MGAT1: variants seen among roughly 807,000 people sequenced by gnomAD.
MGAT1 encodes alpha-1,3-mannosyl-glycoprotein 2-beta-N-acetylglucosaminyltransferase, also known as N-glycosyl-oligosaccharide-glycoprotein N-acetylglucosaminyltransferase I.
A neutral mutation model predicts 31.7 loss-of-function variants in MGAT1; 14 were observed. That is an observed-to-expected ratio of 0.44 (90% CI 0.29 to 0.69). The LOEUF (loss-of-function observed/expected upper bound fraction) is 0.69, where lower values mean the gene tolerates loss of function less well. Ranked by LOEUF, MGAT1 falls within the 30% of genes least tolerant of loss-of-function variation. The pLI, the probability that MGAT1 is intolerant of heterozygous loss-of-function variation, is 0.12. For missense variants in MGAT1, 557 were observed against 626.0 expected (o/e 0.89, Z 1.18); for synonymous variants, 338 against 276.0 (o/e 1.22, Z -2.23).
chr5:180,813,007 C>T (rs915016381), intron 1 of MGAT1, among the ~76,000 whole-genome samples: 11 of 152,078 alleles, frequency 7.2e-5, no homozygotes, highest in Admixed American at 7.2e-4. Context: ...CCATAATTAT[C>T]TCCCCTATTT....
chr5:180,810,303 C>T (rs1157227491), intron 1 of MGAT1: 3 of 152,378 alleles, frequency 2.0e-5, no homozygotes, highest in African/African-American at 4.8e-5. Context: ...CCACCGCCAC[C>T]ACGGGAGCGA....
intron 1 of MGAT1, among the ~76,000 whole-genome samples, chr5:180,798,403 C>T (rs1483810460): frequency 6.6e-6 from 1 of 152,140 alleles, no homozygotes; most frequent in Non-Finnish European, 1.5e-5. Context: ...AGATGCCTTC[C>T]TTGACGCCTG....
chr5:180,791,354 G>C lies in MGAT1; in HGVS notation c.*280C>G. ...GCTCCAGGAGAAAGCTCAGGACGTGGACATTTCTGGCCCCAACAAGCCCAG... is the reference window on the plus strand; with the variant it reads ...GCTCCAGGAGAAAGCTCAGGACGTGCACATTTCTGGCCCCAACAAGCCCAG... On this transcript the variant is annotated 3_prime_UTR_variant, in exon 2 of 2. Transcript: ENST00000307826. The C allele has an allele frequency of 1.9e-6, 1 of 521,112 alleles. No individual in the cohort carries two copies. The allele number at this position is 521,112 out of a possible 1,614,324, so 32.3% of individuals were successfully genotyped here.
chr5:180,814,747 C>A (rs1194095375), intron 1 of MGAT1, among the ~76,000 whole-genome samples: 2 of 151,984 alleles, frequency 1.3e-5, no homozygotes, highest in Admixed American at 6.6e-5. Context: ...GAAGACCAAC[C>A]TGACCAAGAT....
upstream of MGAT1, chr5:180,803,450 C>T (rs1203792921): frequency 2.6e-5 from 4 of 152,522 alleles, no homozygotes; most frequent in African/African-American, 9.7e-5. Flanking sequence ...GACTCGGTCA[C>T]AAGCTTTGGC....
intron 1 of MGAT1, among the ~76,000 whole-genome samples, chr5:180,814,679 C>G (rs148553153): frequency 6.6e-6 from 1 of 152,078 alleles, no homozygotes; most frequent in African/African-American, 2.4e-5. Context: ...CAGTGGCTCA[C>G]GCTTGTAATC....
At chr5:180,796,939 C>A (rs563204761) in intron 1 of MGAT1, among the ~76,000 whole-genome samples, 1 of 152,302 alleles carries the variant, frequency 6.6e-6, no homozygotes, top group Non-Finnish European at 1.5e-5. Flanking sequence ...TCGCTCTCCC[C>A]TCAGGATGTT....
Position 180,792,680 on chromosome 5 carries a change from G to A in MGAT1, c.292C>T (p.Pro98Ser). ...TAAPPAQPRV[P>S]VTPAPAVIPI... ...ATCACCGCCGGCGCGGGGGTCACAG[G>A]CACACGCGGCTGGGCGGGAGGGGCC... is the stretch of plus-strand genomic sequence containing the variant. Residue 98 changes from proline to serine, a missense_variant, in exon 2 of 2, where the codon CCT (proline) becomes TCT (serine). Around this residue, in one of 3 missense-constraint regions of MGAT1, gnomAD observed 167 missense variants for 149.8 expected, o/e 1.11. Transcript: ENST00000307826. The A allele has an allele frequency of 1.3e-6, 2 of 1,568,678 alleles. No homozygotes were observed. The highest frequency in any genetic ancestry group is 1.7e-6 in the Non-Finnish European group (2 of 1,158,246).
Position 180,787,799 on chromosome 5 carries a change from T to C in MGAT1, c.*3835A>G, listed in dbSNP as rs1176925463. The C allele has an allele frequency of 1.3e-5, 2 of 152,214 alleles. No homozygotes were observed. The highest frequency in any genetic ancestry group is 2.4e-5 in the African/African-American group (1 of 41,428). 9.4% of individuals were successfully genotyped at this position (152,214 alleles called of 1,614,324 possible). On this transcript the variant is annotated 3_prime_UTR_variant, in exon 2 of 2. Transcript: ENST00000307826. ...TTCTCATGCAGGGCCCAGTGAAGGC[T>C]CAGGAGGGCCTTGGCCAGACTCCAT... is the stretch of plus-strand genomic sequence containing the variant.
At chr5:180,814,504 G>A (rs755352734) in intron 1 of MGAT1, among the ~76,000 whole-genome samples, 8 of 152,100 alleles carry the variant, frequency 5.3e-5, no homozygotes, top group African/African-American at 9.7e-5. Flanking sequence ...GTACAAATGC[G>A]GAGTTCCCTA....
intron 1 of MGAT1, chr5:180,795,409 A>T (rs1320715599): frequency 6.6e-6 from 1 of 152,312 alleles, no homozygotes; most frequent in South Asian, 2.1e-4. Flanking sequence ...AACTTTTTTT[A>T]AAAAGACGTT....
chr5:180,801,617 A>C (rs532283413), intron 1 of MGAT1, among the ~76,000 whole-genome samples: 1 of 152,352 alleles, frequency 6.6e-6, no homozygotes, highest in African/African-American at 2.4e-5. Context: ...AGTGCCACAA[A>C]AGGCATGAGG....
rs1561811348 is a variant in MGAT1, at chr5:180,791,517, T to TA, written c.*116_*117insT. On this transcript the variant is annotated 3_prime_UTR_variant, in exon 2 of 2. Coordinates refer to ENST00000307826, the MANE Select transcript of MGAT1 (RefSeq NM_002406.4). ...TGCACTTAAATGCCACTCGGAAAAATCAAAAAGATAAATGCACCTAAGAGG... is the reference window on the plus strand; with the variant it reads ...TGCACTTAAATGCCACTCGGAAAAATACAAAAAGATAAATGCACCTAAGAGG... The TA allele has an allele frequency of 7.6e-7, 1 of 1,308,684 alleles. No individual in the cohort carries two copies. The allele number at this position is 1,308,684 out of a possible 1,614,324, so 81.1% of individuals were successfully genotyped here. A position where few individuals can be genotyped will look rare whatever the true frequency, so the allele number is the denominator to read the frequency against.
intron 1 of MGAT1, chr5:180,795,292 T>TAC: frequency 6.7e-6 from 1 of 150,050 alleles, no homozygotes; most frequent in East Asian, 2.0e-4. Flanking sequence ...TATATATATA[T>TAC]ATATATACAC....
At chr5:180,804,331 C>G (rs1430928666), upstream of MGAT1, among the ~76,000 whole-genome samples, 1 of 152,260 alleles carries the variant, frequency 6.6e-6, no homozygotes, top group Non-Finnish European at 1.5e-5. Context: ...CACCCCCGCA[C>G]ACATCCTCCA....
Position 180,790,060 on chromosome 5 carries a change from G to A in MGAT1, c.*1574C>T, listed in dbSNP as rs113389789. 6.6e-6 allele frequency: 1 copy of A among 152,322 alleles called. No homozygotes were observed. The highest frequency in any genetic ancestry group is 1.5e-5 in the Non-Finnish European group (1 of 68,058). 9.4% of individuals were successfully genotyped at this position (152,322 alleles called of 1,614,324 possible). On this transcript the variant is annotated 3_prime_UTR_variant, in exon 2 of 2. Transcript: ENST00000307826. ...AGGCACTCTCACTGGGGTTGCGTTT[G>A]GGAGTCCAAGCGCCACTGTGAGGCC... is the stretch of plus-strand genomic sequence containing the variant.
chr5:180,802,960 T>G (rs1771225696), upstream of MGAT1: 1 of 151,620 alleles, frequency 6.6e-6, no homozygotes, highest in Non-Finnish European at 1.5e-5. Context: ...CCCGCCTCCT[T>G]TCCCCGCCGC....
At chr5:180,797,745 A>C (rs1769787623) in intron 1 of MGAT1, among the ~76,000 whole-genome samples, 1 of 117,520 alleles carries the variant, frequency 8.5e-6, no homozygotes, top group Non-Finnish European at 1.9e-5. Context: ...CACCTTAATC[A>C]ATCCCTGGGC....
rs796128306 is a variant in MGAT1, at chr5:180,797,433, G to T, written c.-126-4336C>A. 1.0e-3 allele frequency among the ~76,000 whole-genome samples: 150 copies of T among 147,370 alleles called. 1 individual carries two copies. The highest frequency in any genetic ancestry group is 3.5e-3 in the African/African-American group (140 of 39,846). On this transcript the variant is annotated intron_variant, in intron 1 of 1. Transcript: ENST00000307826. ...AAAAAAAAAAAAAAAAAAAAAAGGG[G>T]GGGGGGGCCCAGAGGGATAGCCCGT...
Sources: allele counts gnomAD v4.1 joint callset (sites outside exome capture counted in the v4.1 genomes callset), GRCh38; gene constraint gnomAD v4.1.1; regional missense constraint gnomAD v4.1.1; transcripts MANE v1.5; gene names NCBI Gene and HGNC (gene_info 2026-07-23, HGNC 2026-07-21).